The following CELF2 variants were observed in gnomAD, a reference collection of about 807,000 sequenced individuals.
The protein encoded by CELF2 is CUGBP Elav-like family member 2.
A neutral mutation model predicts 62.6 loss-of-function variants in CELF2; 8 were observed. That is an observed-to-expected ratio of 0.13 (90% CI 0.07 to 0.23). The LOEUF (loss-of-function observed/expected upper bound fraction) is 0.23. CELF2 is among the 10% of genes least tolerant of loss of function. The probability of loss-of-function intolerance (pLI) is 1.00; values close to 1 mark genes in which losing one functional copy is unlikely to be tolerated. For missense variants in CELF2, 333 were observed against 671.0 expected (o/e 0.50, Z 5.56); for synonymous variants, 258 against 250.0 (o/e 1.03, Z -0.30).
the CELF2 span, among the ~76,000 whole-genome samples, chr10:10,769,265 T>G: frequency 6.6e-6 from 1 of 152,140 alleles, no homozygotes; most frequent in African/African-American, 2.4e-5. Context: ...AGTTCTCCTG[T>G]CTTAAAGAAT....
intron 2 of CELF2, among the ~76,000 whole-genome samples, chr10:10,980,479 C>T (rs2051951540): frequency 6.6e-6 from 1 of 152,202 alleles, no homozygotes; most frequent in Non-Finnish European, 1.5e-5. Flanking sequence ...TCTTGCTTTC[C>T]ACATGCTGCT....
the CELF2 span, among the ~76,000 whole-genome samples, chr10:10,713,247 T>G: frequency 6.6e-6 from 1 of 152,242 alleles, no homozygotes; most frequent in Non-Finnish European, 1.5e-5. Context: ...TTTCTCTTAC[T>G]CATAATGTCT....
In CELF2 at chr10:11,242,854, G is replaced by T. The variant is rs983151153; in HGVS notation, c.355-6299G>T. Among the ~76,000 whole-genome samples the T allele has an allele frequency of 5.3e-5, 8 of 152,116 alleles. No homozygotes were observed. The highest frequency in any genetic ancestry group is 2.6e-4 in the Admixed American group (4 of 15,260). On this transcript the variant is annotated intron_variant, in intron 3 of 12. Transcript: ENST00000633077. This position sits in a 1 kb window ranked among gnomAD's most constrained non-coding sequence, Gnocchi z 4.8. ...GCTTATCCCCAGGAGGTGGGACGAA[G>T]GGGGAGGCCTGATGCTGGGAGGCTT...
intron 1 of CELF2, among the ~76,000 whole-genome samples, chr10:10,874,379 TAAA>T (rs2060954264): frequency 7.1e-6 from 1 of 140,010 alleles, no homozygotes; most frequent in Admixed American, 7.2e-5. Context: ...AGAAAGAAAA[TAAA>T]AAAGAAAGAA....
chr10:10,513,953 G>C, the CELF2 span, among the ~76,000 whole-genome samples: 1 of 151,936 alleles, frequency 6.6e-6, no homozygotes, highest in Non-Finnish European at 1.5e-5. Flanking sequence ...ATCCCTCTCT[G>C]AGCAAAGCCT....
At chr10:10,501,356 A>G in the CELF2 span, among the ~76,000 whole-genome samples, 5 of 152,184 alleles carry the variant, frequency 3.3e-5, no homozygotes, top group African/African-American at 1.2e-4. Context: ...GCTACTTGCT[A>G]ATGATGTTGA....
chr10:10,558,517 C>T, the CELF2 span, among the ~76,000 whole-genome samples: 1 of 151,950 alleles, frequency 6.6e-6, no homozygotes. Flanking sequence ...GTGTCTCTGC[C>T]CGGCTTTGGT....
intron 1 of CELF2, chr10:10,846,067 T>C: frequency 1.0e-6 from 1 of 984,074 alleles, no homozygotes; most frequent in South Asian, 4.7e-5. Flanking sequence ...TTGTAGACTT[T>C]TGTGATTCGA....
intron 1 of CELF2, among the ~76,000 whole-genome samples, chr10:10,859,186 C>T (rs1382193327): frequency 6.6e-6 from 1 of 152,048 alleles, no homozygotes; most frequent in Non-Finnish European, 1.5e-5. Context: ...AACCTGAAAA[C>T]AAGTCATTAA....
intron 2 of CELF2, among the ~76,000 whole-genome samples, chr10:10,977,315 C>A (rs1157862172): frequency 6.6e-6 from 1 of 152,182 alleles, no homozygotes; most frequent in East Asian, 1.9e-4. Context: ...CTTAGTGATG[C>A]TGCAGGTCCA....
chr10:11,018,047 G>T lies in CELF2; in HGVS notation c.-43G>T, dbSNP rs752301665. ...GCCGCCCGCGGCCGCTCGGACGCGC[G>T]CAGAGCCGCCCCCCGCCGCTGCCGC... On this transcript the variant is annotated 5_prime_UTR_variant, in exon 1 of 13. Coordinates refer to ENST00000633077, the MANE Select transcript of CELF2 (RefSeq NM_001326342.2). 1 of 1,337,236 alleles carries T rather than the reference G, an allele frequency of 7.5e-7. No individual in the cohort carries two copies. Among genetic ancestry groups the T allele is most frequent in the Admixed American group, 2.4e-5 (1 of 41,072 alleles). 82.8% of individuals were successfully genotyped at this position (1,337,236 alleles called of 1,614,324 possible).
chr10:11,255,463 T>A lies in CELF2; in HGVS notation c.404-2275T>A, dbSNP rs1382483614. Among the ~76,000 whole-genome samples the A allele has an allele frequency of 6.6e-6, 1 of 152,190 alleles. No homozygotes were observed. The highest frequency in any genetic ancestry group is 2.4e-5 in the African/African-American group (1 of 41,450). ...CTGTGCACCTTGCCTGGTTAGGACC[T>A]CTTTGCTCTCCCACCTCCAGTCTCT... On this transcript the variant is annotated intron_variant, in intron 4 of 12. Transcript: ENST00000633077. This position sits in a 1 kb window ranked among gnomAD's most constrained non-coding sequence, Gnocchi z 5.5.
intron 1 of CELF2, among the ~76,000 whole-genome samples, chr10:11,072,300 G>A (rs1200370935): frequency 6.6e-6 from 1 of 152,182 alleles, no homozygotes; most frequent in Non-Finnish European, 1.5e-5. Context: ...CCTCTTTTAA[G>A]TGCATGTGAC....
chr10:10,485,135 G>T, the CELF2 span, among the ~76,000 whole-genome samples: 2 of 152,114 alleles, frequency 1.3e-5, no homozygotes, highest in African/African-American at 4.8e-5. Context: ...CTCATTCAGG[G>T]ATTGATAATA....
chr10:10,668,822 G>A, the CELF2 span, among the ~76,000 whole-genome samples: 1 of 152,102 alleles, frequency 6.6e-6, no homozygotes, highest in Non-Finnish European at 1.5e-5. Context: ...GCCAGGCAGG[G>A]TGGTGTGCGC....
rs1040556269 is a variant in CELF2 at position 11,290,720 on chromosome 10, G to C, written c.976+2168G>C. ...CCAGCGCAGCGTCCTTGCCTTGACT[G>C]CTCTGTAAGAGGCTTCTTGCCCTTC... On this transcript the variant is annotated intron_variant, in intron 9 of 12. Coordinates refer to ENST00000633077, the MANE Select transcript of CELF2 (RefSeq NM_001326342.2). This position sits in a 1 kb window ranked among gnomAD's most constrained non-coding sequence, Gnocchi z 4.3. Among the ~76,000 whole-genome samples the C allele has an allele frequency of 6.6e-6, 1 of 152,150 alleles. No homozygotes were observed. The highest frequency in any genetic ancestry group is 2.4e-5 in the African/African-American group (1 of 41,430).
chr10:10,740,582 C>T, the CELF2 span, among the ~76,000 whole-genome samples: 1 of 151,996 alleles, frequency 6.6e-6, no homozygotes, highest in Non-Finnish European at 1.5e-5. Context: ...CATGTACCCG[C>T]CCTCCCAAAA....
chr10:11,084,248 CAA>C (rs1594872010), intron 1 of CELF2, among the ~76,000 whole-genome samples: 1 of 152,188 alleles, frequency 6.6e-6, no homozygotes, highest in African/African-American at 2.4e-5. Context: ...GTGGTGGAAA[CAA>C]ACGCAAGTGA....
chr10:10,647,174 G>A, the CELF2 span, among the ~76,000 whole-genome samples: 2 of 152,018 alleles, frequency 1.3e-5, no homozygotes, highest in Admixed American at 6.6e-5. Context: ...CCTGGTTCCC[G>A]TTTCCTTAAC....
Sources: allele counts gnomAD v4.1 joint callset (sites outside exome capture counted in the v4.1 genomes callset), GRCh38; gene constraint gnomAD v4.1.1; non-coding constraint Gnocchi (gnomAD v3.1); transcripts MANE v1.5; gene names NCBI Gene and HGNC (gene_info 2026-07-23, HGNC 2026-07-21).